Variants in SUSD6 observed in about 807,000 individuals in gnomAD.
The protein encoded by SUSD6 is sushi domain-containing protein 6.
A neutral mutation model predicts 28.4 loss-of-function variants in SUSD6; 16 were observed. The observed-to-expected ratio is 0.56, with a 90% CI of 0.38 to 0.86. SUSD6 has a LOEUF of 0.86. Ranked by LOEUF, SUSD6 falls within the 40% of genes least tolerant of loss-of-function variation. The probability of loss-of-function intolerance (pLI) is 0.00; values close to 1 mark genes in which losing one functional copy is unlikely to be tolerated. For synonymous variants in SUSD6, 147 were observed against 159.6 expected, an observed-to-expected ratio of 0.92 and a Z score of 0.59; for missense variants, 341 against 384.2, an observed-to-expected ratio of 0.89 and a Z score of 0.94.
intron 1 of SUSD6, among the ~76,000 whole-genome samples, chr14:69,656,436 C>A (rs568351061): frequency 1.3e-4 from 20 of 152,334 alleles, no homozygotes; most frequent in African/African-American, 4.1e-4. Flanking sequence ...TGTGACTGCA[C>A]CTAAAACAGC....
At chr14:69,615,243 C>G (rs988678680) in intron 1 of SUSD6, among the ~76,000 whole-genome samples, 6 of 152,188 alleles carry the variant, frequency 3.9e-5, no homozygotes, top group African/African-American at 1.4e-4. Context: ...TTCTCACGAG[C>G]TCCATAGTAC....
chr14:69,677,845 T>G (rs551110477), intron 2 of SUSD6, among the ~76,000 whole-genome samples: 16 of 152,360 alleles, frequency 1.1e-4, no homozygotes, highest in African/African-American at 3.8e-4. Context: ...GTTGGAGGCA[T>G]TGTAAAAATA....
intron 1 of SUSD6, among the ~76,000 whole-genome samples, chr14:69,635,648 C>A (rs1225689820): frequency 1.3e-5 from 2 of 148,714 alleles, no homozygotes; most frequent in Admixed American, 1.3e-4. Context: ...CACACATTTT[C>A]ACCTCCACCC....
chr14:69,616,662 G>A (rs904255201), intron 1 of SUSD6, among the ~76,000 whole-genome samples: 3 of 152,028 alleles, frequency 2.0e-5, no homozygotes, highest in Admixed American at 6.6e-5. Context: ...TTGGTGGGGA[G>A]GCACAAGATT....
At chr14:69,616,665 A>G (rs1767707054) in intron 1 of SUSD6, among the ~76,000 whole-genome samples, 1 of 152,224 alleles carries the variant, frequency 6.6e-6, no homozygotes, top group Non-Finnish European at 1.5e-5. Flanking sequence ...GTGGGGAGGC[A>G]CAAGATTACA....
intron 1 of SUSD6, among the ~76,000 whole-genome samples, chr14:69,619,348 A>C (rs1483763557): frequency 6.6e-6 from 1 of 152,254 alleles, no homozygotes; most frequent in East Asian, 1.9e-4. Context: ...TGGAGCAGCC[A>C]TTCTTTATTC....
chr14:69,657,511 C>G (rs1260052663), intron 1 of SUSD6, among the ~76,000 whole-genome samples: 2 of 151,756 alleles, frequency 1.3e-5, no homozygotes, highest in Admixed American at 1.3e-4. Flanking sequence ...CAGGGGCATC[C>G]TTTATTAGGG....
At chr14:69,666,105 A>G (rs888070265) in intron 2 of SUSD6, among the ~76,000 whole-genome samples, 5 of 152,198 alleles carry the variant, frequency 3.3e-5, no homozygotes, top group Non-Finnish European at 5.9e-5. Flanking sequence ...TGTTTCTTCC[A>G]TATCTCTTGG....
chr14:69,683,739 G>A (rs552103619), intron 2 of SUSD6, among the ~76,000 whole-genome samples: 3 of 152,334 alleles, frequency 2.0e-5, no homozygotes, highest in South Asian at 2.1e-4. Flanking sequence ...GCCTTTGGAC[G>A]ATTCTGAAAA....
At chr14:69,667,294 A>C (rs191720709) in intron 2 of SUSD6, among the ~76,000 whole-genome samples, 2 of 151,622 alleles carry the variant, frequency 1.3e-5, no homozygotes, top group South Asian at 2.1e-4. Flanking sequence ...CTGGATTGCA[A>C]ATGACCCAGT....
At chr14:69,624,458 T>G (rs1483211929) in intron 1 of SUSD6, among the ~76,000 whole-genome samples, 1 of 151,986 alleles carries the variant, frequency 6.6e-6, no homozygotes, top group African/African-American at 2.4e-5. Context: ...TAGTTGTTTT[T>G]TTTTTTTTTT....
intron 1 of SUSD6, among the ~76,000 whole-genome samples, chr14:69,614,947 A>G (rs1378884773): frequency 6.6e-6 from 1 of 152,220 alleles, no homozygotes; most frequent in Non-Finnish European, 1.5e-5. Flanking sequence ...TAAGCTCCTG[A>G]AATGACATGC....
intron 1 of SUSD6, among the ~76,000 whole-genome samples, chr14:69,627,666 G>A (rs1484749497): frequency 6.6e-6 from 1 of 151,786 alleles, no homozygotes; most frequent in East Asian, 1.9e-4. Context: ...GGGTTTCACC[G>A]TGTTAGCCAG....
chr14:69,666,274 T>A (rs1021542533), intron 2 of SUSD6, among the ~76,000 whole-genome samples: 1 of 152,210 alleles, frequency 6.6e-6, no homozygotes, highest in Non-Finnish European at 1.5e-5. Context: ...ATGTTGGTGC[T>A]GGAGTGAGAT....
intron 2 of SUSD6, among the ~76,000 whole-genome samples, chr14:69,700,696 C>T (rs1391397628): frequency 6.6e-6 from 1 of 152,198 alleles, no homozygotes; most frequent in African/African-American, 2.4e-5. Flanking sequence ...TCCCCTATTC[C>T]TGCTTTGAAC....
Position 69,711,373 on chromosome 14 carries a change from GT to G in SUSD6, c.*397del. The G allele has an allele frequency of 4.2e-6, 1 of 235,878 alleles. No individual in the cohort carries two copies. The highest frequency in any genetic ancestry group is 8.4e-6 in the Non-Finnish European group (1 of 118,454). The allele number at this position is 235,878 out of a possible 1,614,324, so 14.6% of individuals were successfully genotyped here. Reference sequence around the variant, plus strand: ...TTGTGCCTTTCCCCCACCCTGTCCAGTTTCCCTGTCATGCAGACTTGTTGCT... The same window carrying G: ...TTGTGCCTTTCCCCCACCCTGTCCAGTTCCCTGTCATGCAGACTTGTTGCT... On this transcript the variant is annotated 3_prime_UTR_variant, in exon 6 of 6. Transcript: ENST00000342745.
At chr14:69,612,266 G>C (rs1884889101) in intron 1 of SUSD6, among the ~76,000 whole-genome samples, 1 of 152,180 alleles carries the variant, frequency 6.6e-6, no homozygotes, top group African/African-American at 2.4e-5. Flanking sequence ...CGGGGCTTGC[G>C]CTGGGGCAGG....
rs80046122 is a variant in SUSD6, at chr14:69,709,438, G to T, written c.886+334G>T. Among the ~76,000 whole-genome samples, 832 of 152,262 alleles carry T rather than the reference G, an allele frequency of 5.5e-3. 10 individuals carry two copies. Among genetic ancestry groups the T allele is most frequent in the African/African-American group, 0.019 (783 of 41,548 alleles). ...TGTTATAAATGTTATGTTCCTGAAA[G>T]GTCAGGAATGACAAGGAGGCATAGG... On this transcript the variant is annotated intron_variant, in intron 5 of 5. Coordinates refer to ENST00000342745, the MANE Select transcript of SUSD6 (RefSeq NM_014734.4).
intron 1 of SUSD6, among the ~76,000 whole-genome samples, chr14:69,644,993 A>G (rs1275801361): frequency 2.6e-5 from 4 of 152,174 alleles, no homozygotes; most frequent in African/African-American, 9.7e-5. Flanking sequence ...GCAAGTTCCT[A>G]CTTCTCATTT....
Sources: gnomAD v4.1 joint callset for allele counts (sites outside exome capture counted in the v4.1 genomes callset) on GRCh38, gnomAD v4.1.1 for gene constraint, MANE v1.5 for transcripts, NCBI Gene and HGNC (gene_info 2026-07-23, HGNC 2026-07-21) for gene names.